Variants in CASK observed in about 807,000 individuals in gnomAD.
CASK encodes the protein peripheral plasma membrane protein CASK.
Under a neutral mutation model 82.9 loss-of-function variants are expected in CASK, and 4 were observed. The observed-to-expected ratio is 0.05, with a 90% CI of 0.02 to 0.11. The LOEUF (loss-of-function observed/expected upper bound fraction) is 0.11, where lower values mean the gene tolerates loss of function less well. Among genes scored for constraint, CASK ranks in the 10% least tolerant of loss-of-function variants. The pLI, the probability that CASK is intolerant of heterozygous loss-of-function variation, is 1.00. For missense variants in CASK, 358 were observed against 720.9 expected (o/e 0.50, Z 5.76); for synonymous variants, 259 against 253.5 (o/e 1.02, Z -0.20).
chrX:41,740,876 G>A (rs1290928983), intron 4 of CASK, among the ~76,000 whole-genome samples: 1 of 111,724 alleles, frequency 9.0e-6, no homozygotes, highest in Non-Finnish European at 1.9e-5. Context: ...ATTAAGTTTT[G>A]TTTATTTTTT....
intron 25 of CASK, 109 bp from the exon 26 acceptor site, chrX:41,524,143 G>T: frequency 1.6e-6 from 1 of 608,969 alleles, no homozygotes; most frequent in Non-Finnish European, 2.6e-6. Flanking sequence ...CCAAGCTCTT[G>T]GCTCAAATTT....
At chrX:41,729,428 A>G (rs915135190) in intron 5 of CASK, 6 of 121,972 alleles carry the variant, frequency 4.9e-5, no homozygotes, top group Non-Finnish European at 1.1e-4. Context: ...TGATGAAAAT[A>G]TTGAAGTGGG....
At chrX:41,534,552 T>C (rs1406498807) in intron 24 of CASK, among the ~76,000 whole-genome samples, 154 bp downstream of exon 24, 1 of 110,840 alleles carries the variant, frequency 9.0e-6, no homozygotes. Context: ...TTGGGATTAC[T>C]GTTAACTCAT....
intron 1 of CASK, among the ~76,000 whole-genome samples, chrX:41,880,123 T>TGA (rs1336725889): frequency 8.9e-6 from 1 of 111,874 alleles, no homozygotes; most frequent in Non-Finnish European, 1.9e-5. Context: ...ATAACAACAC[T>TGA]GAGAGAGATC....
At chrX:41,539,686 A>G (rs1238149645) in intron 22 of CASK, among the ~76,000 whole-genome samples, 1 of 112,364 alleles carries the variant, frequency 8.9e-6, no homozygotes, top group Non-Finnish European at 1.9e-5. Flanking sequence ...ATGACCTTTC[A>G]TCGTAGCTAA....
Position 41,564,299 on chromosome X carries a change from A to G in CASK, c.1583-2655T>C, listed in dbSNP as rs991319461. ...TAAAGGAACTTCTTTAGCCCTAATA[A>G]AAGGCATGTACTAAAAATCTACATT... On this transcript the variant is annotated intron_variant, in intron 16 of 26. Coordinates refer to ENST00000378163, the MANE Select transcript of CASK (RefSeq NM_001367721.1). Among the ~76,000 whole-genome samples the G allele has an allele frequency of 3.5e-5, 4 of 112,743 alleles. No homozygotes were observed. In the East Asian group the frequency reaches 8.3e-4, roughly 23 times the overall value.
intron 22 of CASK, among the ~76,000 whole-genome samples, chrX:41,539,894 A>T (rs759327520): frequency 8.9e-6 from 1 of 112,317 alleles, no homozygotes; most frequent in East Asian, 2.8e-4. Flanking sequence ...CAAGGAAAAA[A>T]GCTGGGAATC....
rs773162330 is a variant in CASK at position 41,559,496 on chromosome X, G to C, written c.1737+283C>G. On this transcript the variant is annotated intron_variant, in intron 18 of 26. Coordinates refer to ENST00000378163, the MANE Select transcript of CASK (RefSeq NM_001367721.1). ...TTAGTTTTTTTCCCTCAGACACTCCGTTTTTTCCTTATTAAGCCTTATGTC... is the reference window on the plus strand; with the variant it reads ...TTAGTTTTTTTCCCTCAGACACTCCCTTTTTTCCTTATTAAGCCTTATGTC... 10 of 321,811 alleles carry C rather than the reference G, an allele frequency of 3.1e-5. No homozygotes were observed. In the South Asian group the frequency reaches 6.9e-4, roughly 22 times the overall value. The allele number at this position is 321,811 out of a possible 1,213,427, so 26.5% of individuals were successfully genotyped here.
chrX:41,689,333 T>C lies in CASK; in HGVS notation c.430-17803A>G, dbSNP rs183882915. On this transcript the variant is annotated intron_variant, in intron 5 of 26. Coordinates refer to ENST00000378163, the MANE Select transcript of CASK (RefSeq NM_001367721.1). The stretch of plus-strand genomic sequence containing the variant: ...GGTATTTAAGCTCCTACTGTCAATA[T>C]AGTCACATTGTTGATACTGCATTTG... Among the ~76,000 whole-genome samples, 14 of 112,138 alleles carry C rather than the reference T, an allele frequency of 1.2e-4. No individual in the cohort carries two copies. In the East Asian group the frequency reaches 3.6e-3, roughly 29 times the overall value.
chrX:41,686,789 G>A (rs1252945745), intron 5 of CASK, among the ~76,000 whole-genome samples: 2 of 111,841 alleles, frequency 1.8e-5, no homozygotes, highest in Non-Finnish European at 3.8e-5. Flanking sequence ...CCAGGGTTGG[G>A]ATTTAAAGAG....
At chrX:41,719,686 C>T (rs1342075568) in intron 5 of CASK, among the ~76,000 whole-genome samples, 1 of 111,946 alleles carries the variant, frequency 8.9e-6, no homozygotes, top group African/African-American at 3.2e-5. Context: ...CTGCTGTGTC[C>T]GGTTTCCATT....
chrX:41,758,975 G>A lies in CASK; in HGVS notation c.279-13374C>T, dbSNP rs759389075. 1.7e-3 allele frequency among the ~76,000 whole-genome samples: 185 copies of A among 111,812 alleles called. 1 individual carries two copies. Among genetic ancestry groups the A allele is most frequent in the Non-Finnish European group, 3.0e-3 (158 of 53,125 alleles). On this transcript the variant is annotated intron_variant, in intron 3 of 26. Transcript: ENST00000378163. The stretch of plus-strand genomic sequence containing the variant: ...TATGAAGCTTAATATCTTCCCTTTC[G>A]TTGGGGTGAACTCTTTATGTTCGAT...
intron 10 of CASK, among the ~76,000 whole-genome samples, chrX:41,624,582 G>T (rs1437068454): frequency 8.9e-6 from 1 of 111,878 alleles, no homozygotes; most frequent in Non-Finnish European, 1.9e-5. Flanking sequence ...TGGGGTACAG[G>T]AGACATTTTG....
At chrX:41,739,572 G>C (rs2068560430) in intron 4 of CASK, 116 bp from the exon 5 acceptor site, 1 of 511,592 alleles carries the variant, frequency 2.0e-6, no homozygotes, top group Non-Finnish European at 3.4e-6. Flanking sequence ...GGACACATTT[G>C]ATTTGAGCAG....
intron 5 of CASK, among the ~76,000 whole-genome samples, chrX:41,701,154 T>A (rs1185161198): frequency 1.8e-5 from 2 of 110,164 alleles, no homozygotes; most frequent in Non-Finnish European, 3.8e-5. Flanking sequence ...AAAAGGCCAA[T>A]TTACAGCCTT....
chrX:41,700,632 T>C (rs1170804887), intron 5 of CASK, among the ~76,000 whole-genome samples: 5 of 96,687 alleles, frequency 5.2e-5, no homozygotes, highest in Non-Finnish European at 1.0e-4. Flanking sequence ...CAGGCTGGAG[T>C]GCAGTGGTGC....
chrX:41,689,787 T>A, intron 5 of CASK: 1 of 112,270 alleles, frequency 8.9e-6, no homozygotes, highest in Non-Finnish European at 1.9e-5. Flanking sequence ...ATTCAGTCAT[T>A]ATCAAGTCAA....
At chrX:41,588,933 T>C (rs191658271) in intron 13 of CASK, among the ~76,000 whole-genome samples, 1 of 111,920 alleles carries the variant, frequency 8.9e-6, no homozygotes, top group East Asian at 2.8e-4. Flanking sequence ...TAAAAAAATT[T>C]ATATGCAAAT....
Position 41,561,617 on chromosome X carries a change from C to T in CASK, c.1610G>A (p.Arg537Gln), listed in dbSNP as rs1362027737. The T allele has an allele frequency of 5.0e-6, 6 of 1,193,338 alleles. No homozygotes were observed. The highest frequency in any genetic ancestry group is 1.8e-5 in the African/African-American group (1 of 56,868). The change falls in exon 17 of 27, where the codon CGA becomes CAA. Residue 537 changes from arginine to glutamine, a missense_variant. Coordinates refer to ENST00000378163, the MANE Select transcript of CASK (RefSeq NM_001367721.1). ...AGCCACACTGATGCCATTGATTTCT[C>T]GAATTTCATCACCAACATGAAGTGT... is the stretch of plus-strand genomic sequence containing the variant. ...QGTLHVGDEI[R>Q]EINGISVANQ...
Sources: allele counts gnomAD v4.1 joint callset (sites outside exome capture counted in the v4.1 genomes callset), GRCh38; gene constraint gnomAD v4.1.1; transcripts MANE v1.5; gene names NCBI Gene and HGNC (gene_info 2026-07-23, HGNC 2026-07-21).